The following LRRC4C variants were observed in gnomAD, a reference collection of about 807,000 sequenced individuals.
LRRC4C encodes leucine rich repeat containing 4C.
LRRC4C carries 5 observed loss-of-function variants against 33.6 expected under a neutral mutation model. The observed-to-expected ratio is 0.15, with a 90% confidence interval of 0.08 to 0.31. LRRC4C has a LOEUF of 0.31. Among genes scored for constraint, LRRC4C ranks in the 10% least tolerant of loss-of-function variants. The probability of loss-of-function intolerance (pLI) is 1.00; values close to 1 mark genes in which losing one functional copy is unlikely to be tolerated. For missense variants in LRRC4C, 560 were observed against 796.7 expected (o/e 0.70, Z 3.58); for synonymous variants, 329 against 302.0 (o/e 1.09, Z -0.93).
chr11:40,428,189 T>C (rs1411822623), intron 3 of LRRC4C, among the ~76,000 whole-genome samples: 2 of 152,194 alleles, frequency 1.3e-5, no homozygotes, highest in African/African-American at 2.4e-5. Context: ...ACTACTGTTA[T>C]ATTCCTACTC....
intron 1 of LRRC4C, among the ~76,000 whole-genome samples, chr11:41,381,126 T>C (rs1246547254): frequency 1.3e-5 from 2 of 152,126 alleles, no homozygotes; most frequent in East Asian, 3.9e-4. Context: ...GATTTTTGTT[T>C]GGAGAAACAC....
chr11:40,491,478 A>G (rs1050103232), intron 3 of LRRC4C, among the ~76,000 whole-genome samples: 3 of 152,134 alleles, frequency 2.0e-5, no homozygotes, highest in African/African-American at 7.2e-5. Flanking sequence ...TAGGGATGCA[A>G]TCTCACTTGA....
rs146310662 is a variant in LRRC4C at position 40,908,159 on chromosome 11, G to A, written c.-407+25476C>T. ...TTATATAAAGATTTGTAGAATCTAC[G>A]TACCTGAGTAAAAGAATAGGAAGGA... On this transcript the variant is annotated intron_variant, in intron 2 of 6. Transcript: ENST00000528697. Among the ~76,000 whole-genome samples the A allele has an allele frequency of 5.4e-3, 827 of 152,098 alleles. 3 individuals carry two copies. The highest frequency in any genetic ancestry group is 7.2e-3 in the Non-Finnish European group (492 of 67,950).
intron 3 of LRRC4C, among the ~76,000 whole-genome samples, chr11:40,464,292 A>C (rs1452355758): frequency 6.6e-6 from 1 of 152,088 alleles, no homozygotes; most frequent in Non-Finnish European, 1.5e-5. Context: ...TGCTGAGAAA[A>C]ACCCTTAATA....
intron 1 of LRRC4C, among the ~76,000 whole-genome samples, chr11:41,308,322 G>A (rs1199244279): frequency 5.3e-5 from 8 of 151,918 alleles, no homozygotes; most frequent in Non-Finnish European, 1.0e-4. Flanking sequence ...TTGCAACAGC[G>A]TGAGCACTAA....
At chr11:40,862,602 T>C (rs1209203537) in intron 2 of LRRC4C, among the ~76,000 whole-genome samples, 5 of 152,232 alleles carry the variant, frequency 3.3e-5, no homozygotes, top group African/African-American at 9.6e-5. Flanking sequence ...ACAAAGTGTT[T>C]CTTCCGGCTG....
intron 3 of LRRC4C, among the ~76,000 whole-genome samples, chr11:40,477,885 G>A (rs576956746): frequency 2.0e-5 from 3 of 152,170 alleles, no homozygotes; most frequent in East Asian, 1.9e-4. Flanking sequence ...GTTATGGGAG[G>A]GACCCAGTGA....
chr11:40,451,798 T>C (rs779717130), intron 3 of LRRC4C, among the ~76,000 whole-genome samples: 13 of 152,040 alleles, frequency 8.6e-5, no homozygotes, highest in Non-Finnish European at 1.5e-4. Flanking sequence ...TAAAAATAAA[T>C]GGAGGGGAGT....
chr11:40,715,517 G>A lies in LRRC4C; in HGVS notation c.-406-67239C>T, dbSNP rs74570359. Among the ~76,000 whole-genome samples the A allele has an allele frequency of 8.9e-4, 135 of 152,296 alleles. 1 individual carries two copies. The highest frequency in any genetic ancestry group is 3.2e-3 in the African/African-American group (133 of 41,564). On this transcript the variant is annotated intron_variant, in intron 2 of 6. Transcript: ENST00000528697. ...AAATATTGAATGTGTACCTACCTAC[G>A]TATGATGTAGAACTTGTATTCCTAA...
intron 4 of LRRC4C, among the ~76,000 whole-genome samples, chr11:40,310,305 T>C (rs530701299): frequency 6.6e-6 from 1 of 152,280 alleles, no homozygotes; most frequent in South Asian, 2.1e-4. Context: ...CTGAATTCCT[T>C]AGGAATTCAT....
intron 2 of LRRC4C, among the ~76,000 whole-genome samples, chr11:40,760,672 G>C (rs1949163067): frequency 6.6e-6 from 1 of 150,482 alleles, no homozygotes; most frequent in Admixed American, 6.7e-5. Context: ...GTGTAGTTGT[G>C]CAATCTTGGC....
intron 2 of LRRC4C, among the ~76,000 whole-genome samples, chr11:40,812,725 A>C (rs901888930): frequency 3.3e-5 from 5 of 152,226 alleles, no homozygotes; most frequent in Non-Finnish European, 5.9e-5. Flanking sequence ...ATTTTCATTT[A>C]TCCTAAAAGC....
At chr11:40,801,980 G>A (rs1211266880) in intron 2 of LRRC4C, among the ~76,000 whole-genome samples, 1 of 152,158 alleles carries the variant, frequency 6.6e-6, no homozygotes, top group Non-Finnish European at 1.5e-5. Flanking sequence ...TTACTGCAGG[G>A]AGGACTAATA....
intron 1 of LRRC4C, among the ~76,000 whole-genome samples, chr11:41,076,660 G>C (rs1244672797): frequency 6.6e-6 from 1 of 152,118 alleles, no homozygotes; most frequent in Non-Finnish European, 1.5e-5. Flanking sequence ...TATGAGATTT[G>C]AGTGGGGCCA....
intron 2 of LRRC4C, among the ~76,000 whole-genome samples, chr11:40,932,468 A>T (rs1254422766): frequency 1.3e-5 from 2 of 152,094 alleles, no homozygotes; most frequent in African/African-American, 2.4e-5. Flanking sequence ...CTTGGATTTT[A>T]GTTGGTTATA....
chr11:40,451,907 G>A (rs1565402123), intron 3 of LRRC4C, among the ~76,000 whole-genome samples: 1 of 152,162 alleles, frequency 6.6e-6, no homozygotes, highest in Non-Finnish European at 1.5e-5. Context: ...TGAGGTACCA[G>A]GTTCATCTCA....
chr11:40,611,459 A>G (rs1375691531), intron 3 of LRRC4C, among the ~76,000 whole-genome samples: 3 of 152,004 alleles, frequency 2.0e-5, no homozygotes, highest in Non-Finnish European at 2.9e-5. Flanking sequence ...GGCTTTGACA[A>G]TACTGTTTTG....
At chr11:41,457,952 G>A (rs779728782) in intron 1 of LRRC4C, among the ~76,000 whole-genome samples, 7 of 150,236 alleles carry the variant, frequency 4.7e-5, no homozygotes, top group Non-Finnish European at 1.0e-4. Context: ...TAAGTTTTTT[G>A]TTTGTTTGTT....
chr11:41,297,773 G>C (rs1326852932), intron 1 of LRRC4C, among the ~76,000 whole-genome samples: 1 of 152,038 alleles, frequency 6.6e-6, no homozygotes, highest in Non-Finnish European at 1.5e-5. Context: ...AATATGTTAA[G>C]GATCCTTTTC....
Sources: gnomAD v4.1 joint callset for allele counts (sites outside exome capture counted in the v4.1 genomes callset) on GRCh38, gnomAD v4.1.1 for gene constraint, MANE v1.5 for transcripts, NCBI Gene and HGNC (gene_info 2026-07-23, HGNC 2026-07-21) for gene names.